The following AP2B1 variants were observed in gnomAD, a reference collection of about 807,000 sequenced individuals.
AP2B1 encodes the protein AP-2 complex subunit beta.
In AP2B1, 23 loss-of-function variants were observed where a neutral mutation model predicts 102.0. The observed-to-expected ratio is 0.23, with a 90% confidence interval of 0.16 to 0.32. The LOEUF (loss-of-function observed/expected upper bound fraction) is 0.32, where lower values mean the gene tolerates loss of function less well. AP2B1 is among the 10% of genes least tolerant of loss of function. The pLI, the probability that AP2B1 is intolerant of heterozygous loss-of-function variation, is 1.00. For synonymous variants in AP2B1, 381 were observed against 421.2 expected (o/e 0.90, Z 1.17); for missense variants, 541 against 1,157.4 (o/e 0.47, Z 7.73).
chr17:35,628,626 GAAC>G (rs773066073), intron 9 of AP2B1, among the ~76,000 whole-genome samples: 1 of 151,960 alleles, frequency 6.6e-6, no homozygotes, highest in Non-Finnish European at 1.5e-5. Flanking sequence ...CTCAAAAAAA[GAAC>G]AACAATAATA....
intron 20 of AP2B1, among the ~76,000 whole-genome samples, chr17:35,716,448 T>C: frequency 6.6e-6 from 1 of 152,192 alleles, no homozygotes; most frequent in East Asian, 1.9e-4. Flanking sequence ...TGAAAACTTC[T>C]GTCATAGTTT....
chr17:35,596,829 C>T (rs2142319438), intron 2 of AP2B1: 1 of 661,618 alleles, frequency 1.5e-6, no homozygotes, highest in South Asian at 1.4e-5. Flanking sequence ...GCCCCGCAGG[C>T]GCTGCCCCAC....
chr17:35,597,828 C>A lies in AP2B1; in HGVS notation c.38-402C>A, dbSNP rs225296. Among the ~76,000 whole-genome samples, 4 of 152,268 alleles carry A rather than the reference C, an allele frequency of 2.6e-5. No individual in the cohort carries two copies. In the East Asian group the frequency reaches 5.8e-4, roughly 22 times the overall value. On this transcript the variant is annotated intron_variant, in intron 2 of 21. Coordinates refer to ENST00000610402, the MANE Select transcript of AP2B1 (RefSeq NM_001030006.2). ...AGCCTCATTTCTTAATCTGTAAAGC[C>A]GAGCGTGGGTAAATGAGGTAATACG... is the stretch of plus-strand genomic sequence containing the variant.
chr17:35,717,100 A>C, intron 20 of AP2B1, 95 bp from the exon 21 acceptor site: 3 of 1,389,016 alleles, frequency 2.2e-6, no homozygotes, highest in Non-Finnish European at 3.0e-6. Flanking sequence ...TTGTCAGGGA[A>C]CTGAACACAC....
intron 10 of AP2B1, among the ~76,000 whole-genome samples, chr17:35,638,211 T>C (rs1461846772): frequency 6.6e-6 from 1 of 152,204 alleles, no homozygotes; most frequent in African/African-American, 2.4e-5. Flanking sequence ...TTCTGGTTTA[T>C]GGTTAATAAA....
chr17:35,634,857 A>G lies in AP2B1; in HGVS notation c.1156-1484A>G, dbSNP rs1392330376. On this transcript the variant is annotated intron_variant, in intron 9 of 21. Coordinates refer to ENST00000610402, the MANE Select transcript of AP2B1 (RefSeq NM_001030006.2). ...CACCCTCTGCTATCTCCACTCATCC[A>G]TGAACTTCAGTTAAAGACCTCCTAC... Among the ~76,000 whole-genome samples the G allele has an allele frequency of 3.9e-5, 6 of 152,218 alleles. No homozygotes were observed. In the East Asian group the frequency reaches 9.6e-4, roughly 24 times the overall value.
chr17:35,622,834 T>C (rs997552154), intron 5 of AP2B1, among the ~76,000 whole-genome samples: 3 of 152,038 alleles, frequency 2.0e-5, no homozygotes, highest in African/African-American at 7.2e-5. Flanking sequence ...CCGGCTAATT[T>C]TTTATATTTT....
At chr17:35,621,707 G>A (rs1398819992) in intron 5 of AP2B1, among the ~76,000 whole-genome samples, 3 of 152,134 alleles carry the variant, frequency 2.0e-5, no homozygotes, top group South Asian at 4.1e-4. Flanking sequence ...TATACACTTG[G>A]TTTAATTTCC....
chr17:35,720,567 ATATATATTTTTTTT>A (rs1430395515), intron 21 of AP2B1, among the ~76,000 whole-genome samples: 854 of 52,334 alleles, frequency 0.016, 22 homozygotes, highest in East Asian at 0.12. Context: ...ATATATATAT[ATATATATTTTTTTT>A]TTTTTTTTTT....
intron 20 of AP2B1, among the ~76,000 whole-genome samples, 172 bp downstream of exon 20, chr17:35,710,492 G>A (rs1288421965): frequency 3.3e-5 from 5 of 152,136 alleles, no homozygotes; most frequent in Admixed American, 6.6e-5. Flanking sequence ...AACGTGATAT[G>A]TTTTGATGTA....
intron 5 of AP2B1, among the ~76,000 whole-genome samples, chr17:35,622,850 G>A (rs760223038): frequency 6.6e-5 from 10 of 152,022 alleles, no homozygotes; most frequent in South Asian, 2.1e-4. Flanking sequence ...ATTTTTAGTA[G>A]AGACAGGGTT....
chr17:35,645,267 A>T (rs894179765), intron 12 of AP2B1, among the ~76,000 whole-genome samples: 1 of 152,184 alleles, frequency 6.6e-6, no homozygotes, highest in Non-Finnish European at 1.5e-5. Flanking sequence ...GGTTCTGATG[A>T]TGCTACTTCC....
chr17:35,614,907 A>T (rs1483408488), intron 5 of AP2B1, among the ~76,000 whole-genome samples: 1 of 152,190 alleles, frequency 6.6e-6, no homozygotes, highest in African/African-American at 2.4e-5. Context: ...TGGGATTATG[A>T]TGGTGGTTCT....
In AP2B1 at chr17:35,651,041, A is replaced by G. The variant is rs2075073816; in HGVS notation, c.1796+252A>G. 1.3e-5 allele frequency: 5 copies of G among 397,776 alleles called. No homozygotes were observed. The South Asian group carries it at 2.2e-4, about 18-fold the overall frequency. The allele number at this position is 397,776 out of a possible 1,614,324, so 24.6% of individuals were successfully genotyped here. A position where few individuals can be genotyped will look rare whatever the true frequency, so the allele number is the denominator to read the frequency against. On this transcript the variant is annotated intron_variant, in intron 13 of 21. Transcript: ENST00000610402. Reference sequence around the variant, plus strand: ...CCTCTGTGTTCCAATCTAGGAGTACATTATGGCTTTAGAAAATTGTGGTGA... The same window carrying G: ...CCTCTGTGTTCCAATCTAGGAGTACGTTATGGCTTTAGAAAATTGTGGTGA...
intron 17 of AP2B1, among the ~76,000 whole-genome samples, chr17:35,680,700 G>GTTTTTTTTTTTTTTTTTTT (rs1176447688): frequency 1.6e-5 from 2 of 128,940 alleles, no homozygotes; most frequent in Non-Finnish European, 1.6e-5. Flanking sequence ...TTTTTTTTTT[G>GTTTTTTTTTTTTTTTTTTT]TTTTTTTTTT....
In AP2B1 at chr17:35,599,888, C is replaced by G. The variant is rs1251836363; in HGVS notation, c.143+1553C>G. 2.6e-5 allele frequency among the ~76,000 whole-genome samples: 4 copies of G among 152,074 alleles called. 1 individual carries two copies. In the South Asian group the frequency reaches 6.2e-4, roughly 24 times the overall value. ...TTGTGCCACTGCACTCCAGCTTAGG[C>G]AACAGAGTAAGACTCTGTCTCAAAA... On this transcript the variant is annotated intron_variant, in intron 3 of 21. Coordinates refer to ENST00000610402, the MANE Select transcript of AP2B1 (RefSeq NM_001030006.2).
intron 11 of AP2B1, among the ~76,000 whole-genome samples, chr17:35,641,453 C>T (rs996463228): frequency 6.6e-6 from 1 of 152,070 alleles, no homozygotes; most frequent in South Asian, 2.1e-4. Flanking sequence ...TGGCTTGCAC[C>T]TGTAGTCCCA....
At chr17:35,596,827 G>GGC (rs2073300847) in intron 2 of AP2B1, 2 of 660,616 alleles carry the variant, frequency 3.0e-6, no homozygotes, top group Non-Finnish European at 5.6e-6. Flanking sequence ...AGGCCCCGCA[G>GGC]GCGCTGCCCC....
chr17:35,649,177 A>T (rs1165190087), intron 12 of AP2B1, among the ~76,000 whole-genome samples: 1 of 152,184 alleles, frequency 6.6e-6, no homozygotes, highest in African/African-American at 2.4e-5. Context: ...ATACTTAATA[A>T]ATATTTGAAT....
Sources: allele counts gnomAD v4.1 joint callset (sites outside exome capture counted in the v4.1 genomes callset), GRCh38; gene constraint gnomAD v4.1.1; transcripts MANE v1.5; gene names NCBI Gene and HGNC (gene_info 2026-07-23, HGNC 2026-07-21).